SIMC1: variants seen among roughly 807,000 people sequenced by gnomAD.
SIMC1 encodes the protein SUMO-interacting motif-containing protein 1.
Under a neutral mutation model 82.3 loss-of-function variants are expected in SIMC1, and 55 were observed. The observed-to-expected ratio is 0.67, with a 90% CI of 0.54 to 0.84. The LOEUF is 0.84. Ranked by LOEUF, SIMC1 falls within the 40% of genes least tolerant of loss-of-function variation. The probability of loss-of-function intolerance (pLI) is 0.00; values close to 1 mark genes in which losing one functional copy is unlikely to be tolerated. For synonymous variants in SIMC1, 353 were observed against 426.3 expected, an observed-to-expected ratio of 0.83 and a Z score of 2.12; for missense variants, 915 against 1,107.2, an observed-to-expected ratio of 0.83 and a Z score of 2.46.
rs571544075 is a variant in SIMC1, at chr5:176,249,749, C to T, written c.129+11112C>T. Among the ~76,000 whole-genome samples, 202 of 140,658 alleles carry T rather than the reference C, an allele frequency of 1.4e-3. No individual in the cohort carries two copies. In the Middle Eastern group the frequency reaches 0.02, roughly 14 times the overall value. 92.3% of individuals were successfully genotyped at this position (140,658 alleles called of 152,430 possible). A position where few individuals can be genotyped will look rare whatever the true frequency, so the allele number is the denominator to read the frequency against. ...GTCCCAGCTACTCAGGAGGCTGAGG[C>T]GGGAGAATGGTGTGAACCCGGGAGG... is the stretch of plus-strand genomic sequence containing the variant. On this transcript the variant is annotated intron_variant, in intron 1 of 9. Transcript: ENST00000429602.
intron 9 of SIMC1, among the ~76,000 whole-genome samples, chr5:176,341,092 A>T (rs754923194): frequency 5.3e-5 from 8 of 152,206 alleles, no homozygotes; most frequent in Non-Finnish European, 1.2e-4. Context: ...GGTTGCAGTG[A>T]GCTGAGATCG....
intron 1 of SIMC1, among the ~76,000 whole-genome samples, chr5:176,245,678 A>C (rs1272571527): frequency 1.3e-5 from 2 of 152,206 alleles, no homozygotes; most frequent in African/African-American, 4.8e-5. Context: ...CTCTAAAAAG[A>C]AAGTGATATT....
intron 1 of SIMC1, among the ~76,000 whole-genome samples, chr5:176,268,836 A>G (rs1490842740): frequency 2.0e-5 from 3 of 152,218 alleles, no homozygotes; most frequent in Non-Finnish European, 4.4e-5. Context: ...ATTGATATTT[A>G]TAGAACTGTA....
At chr5:176,258,774 G>T (rs1204927832) in intron 1 of SIMC1, among the ~76,000 whole-genome samples, 1 of 151,260 alleles carries the variant, frequency 6.6e-6, no homozygotes, top group Non-Finnish European at 1.5e-5. Flanking sequence ...ATTAACTTGG[G>T]TCTTAAATCA....
intron 9 of SIMC1, among the ~76,000 whole-genome samples, chr5:176,341,353 G>A (rs756708577): frequency 5.5e-4 from 83 of 152,242 alleles, no homozygotes; most frequent in African/African-American, 1.8e-3. Context: ...AATAGTCCAT[G>A]GAGGAGGTTG....
chr5:176,327,071 G>A (rs540895875), intron 7 of SIMC1, among the ~76,000 whole-genome samples: 1 of 152,282 alleles, frequency 6.6e-6, no homozygotes, highest in African/African-American at 2.4e-5. Flanking sequence ...CACTTTGTCA[G>A]GAGTATTTCA....
intron 4 of SIMC1, among the ~76,000 whole-genome samples, chr5:176,303,027 TC>T (rs928024738): frequency 3.3e-5 from 5 of 152,106 alleles, no homozygotes; most frequent in Admixed American, 3.3e-4. Flanking sequence ...CAACAGCATT[TC>T]TTTTTTTTTG....
chr5:176,285,743 C>T lies in SIMC1; in HGVS notation c.130-3911C>T, dbSNP rs559751743. On this transcript the variant is annotated intron_variant, in intron 1 of 9. Transcript: ENST00000429602. ...TGATTGTATATTTAGAAAACCCCAT[C>T]GTCTCAGCCCAAAATCTCCTTAAGC... Among the ~76,000 whole-genome samples the T allele has an allele frequency of 5.9e-3, 905 of 152,186 alleles. 11 individuals carry two copies. The highest frequency in any genetic ancestry group is 0.019 in the African/African-American group (779 of 41,514).
intron 1 of SIMC1, among the ~76,000 whole-genome samples, chr5:176,286,399 T>G (rs553513567): frequency 7.9e-5 from 12 of 152,378 alleles, no homozygotes; most frequent in South Asian, 2.1e-4. Context: ...GGATTCCCTA[T>G]TTAATAAATG....
intron 7 of SIMC1, 121 bp from the exon 8 acceptor site, chr5:176,336,599 A>G: frequency 7.4e-7 from 1 of 1,359,328 alleles, no homozygotes; most frequent in Non-Finnish European, 1.0e-6. Context: ...GTGGGCTTCC[A>G]TGGTATTCCT....
At chr5:176,327,356 G>A (rs1033270252) in intron 7 of SIMC1, among the ~76,000 whole-genome samples, 2 of 152,128 alleles carry the variant, frequency 1.3e-5, no homozygotes, top group African/African-American at 4.8e-5. Flanking sequence ...ATGTAAACTA[G>A]CTTGCATACA....
chr5:176,306,887 G>A (rs1257606738), intron 4 of SIMC1, among the ~76,000 whole-genome samples: 1 of 145,728 alleles, frequency 6.9e-6, no homozygotes, highest in Non-Finnish European at 1.5e-5. Flanking sequence ...CCCTCTGTGA[G>A]AAACACCCAA....
chr5:176,334,388 A>G (rs1041971416), intron 7 of SIMC1, among the ~76,000 whole-genome samples: 1 of 152,108 alleles, frequency 6.6e-6, no homozygotes, highest in Admixed American at 6.6e-5. Context: ...CTTATTAAGG[A>G]GCTACATTCT....
intron 1 of SIMC1, among the ~76,000 whole-genome samples, chr5:176,244,493 G>C (rs1761367890): frequency 6.6e-6 from 1 of 151,294 alleles, no homozygotes. Flanking sequence ...AGGTTGAGGT[G>C]ACAAGAGGAA....
intron 9 of SIMC1, among the ~76,000 whole-genome samples, chr5:176,342,149 A>G (rs1766177487): frequency 6.6e-6 from 1 of 152,192 alleles, no homozygotes; most frequent in African/African-American, 2.4e-5. Context: ...ACTTCTTTCA[A>G]AATCATTTTT....
intron 4 of SIMC1, among the ~76,000 whole-genome samples, chr5:176,303,577 C>T (rs994840414): frequency 3.7e-4 from 56 of 152,190 alleles, no homozygotes; most frequent in Non-Finnish European, 7.2e-4. Flanking sequence ...GCCTCGGCCT[C>T]CCGAAGTGCT....
At chr5:176,251,102 C>T (rs1273733388) in intron 1 of SIMC1, among the ~76,000 whole-genome samples, 1 of 152,182 alleles carries the variant, frequency 6.6e-6, no homozygotes, top group African/African-American at 2.4e-5. Context: ...TGGCTCACCC[C>T]TACAATCTCA....
chr5:176,287,624 TATA>T (rs1342115103), intron 1 of SIMC1, among the ~76,000 whole-genome samples: 1 of 146,412 alleles, frequency 6.8e-6, no homozygotes, highest in African/African-American at 2.6e-5. Context: ...GAACTTAAAA[TATA>T]ATAATTTTTT....
rs558241832 is a variant in SIMC1, at chr5:176,241,902, G to C, written c.129+3265G>C. On this transcript the variant is annotated intron_variant, in intron 1 of 9. Transcript: ENST00000429602. ...ACCACAGCTGCAGACCTCTATCTAC[G>C]GTACATCTCAAGCGATTCAGCTTTT... 1.1e-4 allele frequency among the ~76,000 whole-genome samples: 17 copies of C among 151,930 alleles called. 1 individual carries two copies. The highest frequency in any genetic ancestry group is 3.4e-4 in the African/African-American group (14 of 41,330).
Sources: gnomAD v4.1 joint callset for allele counts (sites outside exome capture counted in the v4.1 genomes callset) on GRCh38, gnomAD v4.1.1 for gene constraint, MANE v1.5 for transcripts, NCBI Gene and HGNC (gene_info 2026-07-23, HGNC 2026-07-21) for gene names.